The following ADGB variants were observed in gnomAD, a reference collection of about 807,000 sequenced individuals.
The protein encoded by ADGB is androglobin.
ADGB carries 172 observed loss-of-function variants against 210.5 expected under a neutral mutation model. The ratio of observed to expected loss-of-function variants is 0.82; its 90% confidence interval spans 0.72 to 0.93. The LOEUF is 0.93. ADGB is among the 40% of genes least tolerant of loss of function. The pLI, the probability that ADGB is intolerant of heterozygous loss-of-function variation, is 0.00. For missense variants in ADGB, 2,025 were observed against 1,964.8 expected, an observed-to-expected ratio of 1.03 and a Z score of -0.58; for synonymous variants, 658 against 662.7, an observed-to-expected ratio of 0.99 and a Z score of 0.11.
chr6:146,803,298 G>A (rs1256518930), intron 35 of ADGB: 2 of 1,606,080 alleles, frequency 1.2e-6, no homozygotes, highest in Middle Eastern at 1.6e-4. Context: ...ATATTTTGAT[G>A]ATGGGCTTTC....
intron 23 of ADGB, among the ~76,000 whole-genome samples, chr6:146,739,485 T>A (rs113267587): frequency 6.6e-6 from 1 of 152,150 alleles, no homozygotes. Context: ...TTGTCACCAT[T>A]TTAAAAGGCC....
Position 146,684,768 on chromosome 6 carries a change from G to A in ADGB, c.1217-966G>A, listed in dbSNP as rs995163339. On this transcript the variant is annotated intron_variant, in intron 9 of 35. Coordinates refer to ENST00000397944, the MANE Select transcript of ADGB (RefSeq NM_024694.4). ...ATTAAAAGTTAGTTGGGGAGACAGC[G>A]TCTGTGGACATTAGATGATAACTAA... Among the ~76,000 whole-genome samples the A allele has an allele frequency of 3.3e-5, 5 of 152,004 alleles. No homozygotes were observed. The South Asian group carries it at 8.3e-4, about 25-fold the overall frequency.
intron 27 of ADGB, among the ~76,000 whole-genome samples, chr6:146,758,711 T>A (rs1223202837): frequency 6.6e-6 from 1 of 151,974 alleles, no homozygotes; most frequent in Non-Finnish European, 1.5e-5. Context: ...AATACAGTTT[T>A]TCAAGTTTTC....
intron 1 of ADGB, among the ~76,000 whole-genome samples, chr6:146,620,441 A>G (rs1269662874): frequency 2.0e-5 from 3 of 151,964 alleles, no homozygotes; most frequent in African/African-American, 7.2e-5. Flanking sequence ...CTCTTGTCCC[A>G]TAATTCTTGT....
At chr6:146,762,321 G>T (rs1432327322) in intron 27 of ADGB, among the ~76,000 whole-genome samples, 2 of 151,952 alleles carry the variant, frequency 1.3e-5, no homozygotes, top group Admixed American at 6.6e-5. Flanking sequence ...AGTCTATCCA[G>T]ATATTTTTTA....
chr6:146,637,497 A>T (rs1775442041), intron 2 of ADGB, among the ~76,000 whole-genome samples: 2 of 152,048 alleles, frequency 1.3e-5, no homozygotes, highest in South Asian at 4.1e-4. Flanking sequence ...AAACGATTTA[A>T]TGGTACTTTG....
intron 5 of ADGB, among the ~76,000 whole-genome samples, chr6:146,659,457 T>C (rs1775826887): frequency 6.6e-6 from 1 of 152,196 alleles, no homozygotes; most frequent in South Asian, 2.1e-4. Flanking sequence ...TTTTCTTCTC[T>C]GCCTTATCAC....
intron 27 of ADGB, among the ~76,000 whole-genome samples, chr6:146,754,944 G>A (rs1264535602): frequency 1.3e-5 from 2 of 152,008 alleles, no homozygotes; most frequent in South Asian, 2.1e-4. Context: ...TTTAACTGGT[G>A]TGAAAATTTC....
At chr6:146,790,513 G>T (rs1473307297) in intron 33 of ADGB, among the ~76,000 whole-genome samples, 1 of 152,114 alleles carries the variant, frequency 6.6e-6, no homozygotes. Context: ...TGTGGCAAAT[G>T]ACAGAATTTT....
At chr6:146,728,905 A>T (rs1164741157) in intron 20 of ADGB, among the ~76,000 whole-genome samples, 164 bp downstream of exon 20, 3 of 152,222 alleles carry the variant, frequency 2.0e-5, no homozygotes, top group Non-Finnish European at 2.9e-5. Flanking sequence ...GAGTAAAAAG[A>T]ATGAAATGAG....
intron 13 of ADGB, among the ~76,000 whole-genome samples, chr6:146,708,732 A>T (rs1349819581): frequency 6.6e-6 from 1 of 151,900 alleles, no homozygotes; most frequent in African/African-American, 2.4e-5. Flanking sequence ...ACCTTCCTCT[A>T]CCTGGATATA....
At chr6:146,807,730 T>G in intron 35 of ADGB, 1 of 699,706 alleles carries the variant, frequency 1.4e-6, no homozygotes, top group South Asian at 2.6e-5. Context: ...AACTTGTTAG[T>G]TTTCCTCAGA....
chr6:146,743,687 G>C (rs536311416), intron 25 of ADGB, among the ~76,000 whole-genome samples: 58 of 152,332 alleles, frequency 3.8e-4, no homozygotes, highest in African/African-American at 1.4e-3. Context: ...GCCAAGGTGG[G>C]TGGGTCATCT....
At chr6:146,709,611 G>T (rs1380870803) in intron 13 of ADGB, among the ~76,000 whole-genome samples, 1 of 152,178 alleles carries the variant, frequency 6.6e-6, no homozygotes, top group Non-Finnish European at 1.5e-5. Context: ...GCAAGGGTGG[G>T]CCTGGGGCCT....
chr6:146,802,552 A>C, intron 35 of ADGB: 1 of 392,456 alleles, frequency 2.5e-6, no homozygotes, highest in South Asian at 3.8e-5. Context: ...AGCAAAGGTG[A>C]ACAATCTACA....
intron 4 of ADGB, among the ~76,000 whole-genome samples, chr6:146,656,086 C>T (rs924008841): frequency 1.3e-5 from 2 of 152,126 alleles, no homozygotes; most frequent in Admixed American, 6.6e-5. Flanking sequence ...CAATGAAGAA[C>T]TGCAACTTAG....
rs897047203 is a variant in ADGB, at chr6:146,800,310, G to A, written c.4538-873G>A. 1.8e-4 allele frequency among the ~76,000 whole-genome samples: 28 copies of A among 152,198 alleles called. 1 individual carries two copies. The highest frequency in any genetic ancestry group is 1.2e-3 in the Admixed American group (18 of 15,286). On this transcript the variant is annotated intron_variant, in intron 33 of 35. Transcript: ENST00000397944. ...CTACTTACATAAAATGTCCAGGAAA[G>A]ACAAATCTGTAGAGACATAAGTAGA...
At chr6:146,681,223 G>T (rs1381389349) in intron 9 of ADGB, among the ~76,000 whole-genome samples, 1 of 152,122 alleles carries the variant, frequency 6.6e-6, no homozygotes, top group Non-Finnish European at 1.5e-5. Context: ...CTGTCTTCAT[G>T]ACAGTAAGTT....
At chr6:146,661,613 G>T (rs1313304915) in intron 5 of ADGB, among the ~76,000 whole-genome samples, 1 of 151,950 alleles carries the variant, frequency 6.6e-6, no homozygotes, top group Non-Finnish European at 1.5e-5. Context: ...AAAATTTGAA[G>T]ACAAGAGTAC....
Sources: gnomAD v4.1 joint callset for allele counts (sites outside exome capture counted in the v4.1 genomes callset) on GRCh38, gnomAD v4.1.1 for gene constraint, MANE v1.5 for transcripts, NCBI Gene and HGNC (gene_info 2026-07-23, HGNC 2026-07-21) for gene names.